The following ALDH4A1 variants were observed in gnomAD, a reference collection of about 807,000 sequenced individuals.
ALDH4A1 encodes the protein delta-1-pyrroline-5-carboxylate dehydrogenase, mitochondrial.
ALDH4A1 carries 46 observed loss-of-function variants against 70.5 expected under a neutral mutation model. The observed-to-expected ratio is 0.65, with a 90% CI of 0.51 to 0.83. The LOEUF (loss-of-function observed/expected upper bound fraction) is 0.83, where lower values mean the gene tolerates loss of function less well. Ranked by LOEUF, ALDH4A1 falls within the 40% of genes least tolerant of loss-of-function variation. The pLI is 0.00. For missense variants in ALDH4A1, 749 were observed against 766.5 expected, an observed-to-expected ratio of 0.98 and a Z score of 0.27; for synonymous variants, 323 against 324.3, an observed-to-expected ratio of 1.00 and a Z score of 0.04.
chr1:18,901,127 C>T (rs1384840422), intron 1 of ALDH4A1, among the ~76,000 whole-genome samples: 1 of 152,168 alleles, frequency 6.6e-6, no homozygotes, highest in African/African-American at 2.4e-5. Context: ...CTATAAGCTC[C>T]ATCTTCCTGA....
rs1330680333 is a variant in ALDH4A1 at position 18,874,030 on chromosome 1, T to C, written c.1579+433A>G. Among the ~76,000 whole-genome samples, 3 of 152,278 alleles carry C rather than the reference T, an allele frequency of 2.0e-5. No homozygotes were observed. In the East Asian group the frequency reaches 5.8e-4, roughly 29 times the overall value. On this transcript the variant is annotated intron_variant, in intron 14 of 14. Coordinates refer to ENST00000375341, the MANE Select transcript of ALDH4A1 (RefSeq NM_003748.4). ...CTGTAGGACACCCAGCCAGCATCCA[T>C]CAAGAGCTGGAGAACTGGTCGGTGT... is the stretch of plus-strand genomic sequence containing the variant.
chr1:18,897,183 G>A, intron 1 of ALDH4A1: 1 of 467,730 alleles, frequency 2.1e-6, no homozygotes, highest in South Asian at 1.6e-5. Context: ...TTGGACTTTG[G>A]AACTTGGGAG....
chr1:18,875,180 C>T (rs1212511109), intron 13 of ALDH4A1, among the ~76,000 whole-genome samples: 1 of 152,212 alleles, frequency 6.6e-6, no homozygotes, highest in Non-Finnish European at 1.5e-5. Context: ...CACCCTGGCA[C>T]CGGCACCACC....
In ALDH4A1 at chr1:18,877,419, G is replaced by A. The variant is rs747212428; in HGVS notation, c.1134C>T (p.Gly378=). The A allele has an allele frequency of 1.3e-5, 21 of 1,569,190 alleles. No homozygotes were observed. Among genetic ancestry groups the A allele is most frequent in the Admixed American group, 1.8e-5 (1 of 54,432 alleles). Residue 378 remains glycine, a synonymous_variant, in exon 10 of 15, where the codon GGC becomes GGT. Transcript: ENST00000375341. ...LLEEHSRIKV[G]DPAEDFGTFF... ...CGGGGGTGACGGTGCCACTCACGTC[G>A]CCCACTTTGATCCGACTGTGCTCCT...
Position 18,886,467 on chromosome 1 carries a change from G to T in ALDH4A1, c.294C>A (p.Asp98Glu). ...CCAGGCACACAGGCTCACTCACCTT[G>T]TCTGCATAACAGAACTTGGCCACCT... Reference protein sequence around the residue: ...GHKVAKFCYADKSLLNKAIEA... With the variant: ...GHKVAKFCYAEKSLLNKAIEA... Residue 98 changes from aspartate (D) to glutamate (E), a missense_variant, in exon 4 of 15, where the codon GAC becomes GAA. Transcript: ENST00000375341. 1 of 1,614,172 alleles carries T rather than the reference G, an allele frequency of 6.2e-7. No homozygotes were observed. Among genetic ancestry groups the T allele is most frequent in the Non-Finnish European group, 8.5e-7 (1 of 1,180,024 alleles).
chr1:18,877,751 G>A, intron 9 of ALDH4A1, 139 bp from the exon 10 acceptor site: 22 of 1,048,248 alleles, frequency 2.1e-5, no homozygotes, highest in South Asian at 4.5e-5. Context: ...GAGGCTCAGA[G>A]TGAGCGCTGG....
At chr1:18,897,295 C>T (rs189221181) in intron 1 of ALDH4A1, 38 of 315,620 alleles carry the variant, frequency 1.2e-4, no homozygotes, top group African/African-American at 6.3e-4. Flanking sequence ...ATAATCCCAG[C>T]GCTTTGGGAG....
At chr1:18,873,112 G>A (rs1179278011) in intron 14 of ALDH4A1, among the ~76,000 whole-genome samples, 155 bp from the exon 15 acceptor site, 1 of 152,192 alleles carries the variant, frequency 6.6e-6, no homozygotes, top group Non-Finnish European at 1.5e-5. Context: ...CAGAGGGATG[G>A]ACAGGAGACC....
chr1:18,893,784 G>A (rs368512153), intron 1 of ALDH4A1, among the ~76,000 whole-genome samples: 61 of 152,294 alleles, frequency 4.0e-4, no homozygotes, highest in African/African-American at 1.3e-3. Flanking sequence ...GATTACAGGC[G>A]TGAGCCACTG....
In ALDH4A1 at chr1:18,894,007, A is replaced by T. The variant is rs1935531795; in HGVS notation, c.63-3902T>A. On this transcript the variant is annotated intron_variant, in intron 1 of 14. Transcript: ENST00000375341. ...CCTTCTTTCTGAATCTCACTATTTAAGGTTGACATGATGCACCTTGCAGGG... is the reference window on the plus strand; with the variant it reads ...CCTTCTTTCTGAATCTCACTATTTATGGTTGACATGATGCACCTTGCAGGG... 2.0e-5 allele frequency among the ~76,000 whole-genome samples: 3 copies of T among 152,178 alleles called. No individual in the cohort carries two copies. The South Asian group carries it at 6.2e-4, about 32-fold the overall frequency.
intron 11 of ALDH4A1, 135 bp from the exon 12 acceptor site, chr1:18,876,602 C>A: frequency 1.9e-6 from 2 of 1,026,832 alleles, no homozygotes; most frequent in Non-Finnish European, 1.4e-6. Flanking sequence ...GTAGGGGACG[C>A]CAAGGGCAAA....
chr1:18,872,941 T>C lies in ALDH4A1; in HGVS notation c.1596A>G (p.Pro532=). 2 of 1,614,028 alleles carry C rather than the reference T, an allele frequency of 1.2e-6. No homozygotes were observed. Among genetic ancestry groups the C allele is most frequent in the South Asian group, 2.2e-5 (2 of 91,088 alleles). The change falls in exon 15 of 15, where the codon CCA becomes CCG. Residue 532 remains proline (P), a synonymous_variant. Coordinates refer to ENST00000375341, the MANE Select transcript of ALDH4A1 (RefSeq NM_003748.4). ...AGCGCAGGATGTAGTGTGGGCCCCC[T>C]GGCTTGTCATTGGTTCCTGCGGAAA... The part of the protein sequence containing the change: ...GARASGTNDK[P]GGPHYILRWT...
intron 3 of ALDH4A1, 111 bp from the exon 4 acceptor site, chr1:18,886,622 G>C: frequency 8.6e-7 from 1 of 1,168,568 alleles, no homozygotes; most frequent in Admixed American, 1.9e-5. Context: ...CACGCCTGCT[G>C]TCCCCCCTCC....
chr1:18,882,037 A>G, intron 7 of ALDH4A1, 150 bp from the exon 8 acceptor site: 1 of 811,038 alleles, frequency 1.2e-6, no homozygotes, highest in Non-Finnish European at 2.0e-6. Flanking sequence ...CCACTCCTCC[A>G]AGGCGTCTGG....
chr1:18,886,520 A>T lies in ALDH4A1; in HGVS notation c.250-9T>A. ...TGTCCATGGTTAAAAGGCTGAAAGG[A>T]GAGAAGAGTGAGGTCCTTGCCCGGG... On this transcript the variant is annotated splice_polypyrimidine_tract_variant and intron_variant, in intron 3 of 14. Coordinates refer to ENST00000375341, the MANE Select transcript of ALDH4A1 (RefSeq NM_003748.4). The T allele has an allele frequency of 6.2e-7, 1 of 1,614,028 alleles. No individual in the cohort carries two copies. Among genetic ancestry groups the T allele is most frequent in the Non-Finnish European group, 8.5e-7 (1 of 1,179,960 alleles).
rs546153073 is a variant in ALDH4A1 at position 18,877,348 on chromosome 1, G to C, written c.1137+68C>G. ...GCACACCCCAGCCCCGGCTGCAGAG[G>C]AGCCTCCCAGGGACCCAATCCCATC... On this transcript the variant is annotated intron_variant, in intron 10 of 14. Coordinates refer to ENST00000375341, the MANE Select transcript of ALDH4A1 (RefSeq NM_003748.4). 13 of 1,553,814 alleles carry C rather than the reference G, an allele frequency of 8.4e-6. No homozygotes were observed. The East Asian group carries it at 2.2e-4, about 26-fold the overall frequency.
chr1:18,879,018 A>G (rs1383264598), intron 9 of ALDH4A1, among the ~76,000 whole-genome samples: 1 of 152,190 alleles, frequency 6.6e-6, no homozygotes, highest in African/African-American at 2.4e-5. Flanking sequence ...ACTAAGATTT[A>G]ACTTAATTAA....
chr1:18,877,925 G>A (rs1242427126), intron 9 of ALDH4A1, among the ~76,000 whole-genome samples: 1 of 152,206 alleles, frequency 6.6e-6, no homozygotes, highest in African/African-American at 2.4e-5. Context: ...GAGGACAGAT[G>A]AGAACCCAAG....
At chr1:18,878,624 C>A (rs985562295) in intron 9 of ALDH4A1, among the ~76,000 whole-genome samples, 1 of 152,186 alleles carries the variant, frequency 6.6e-6, no homozygotes, top group African/African-American at 2.4e-5. Context: ...GGGGTCTTTG[C>A]AGAAACGGGG....
Sources: gnomAD v4.1 joint callset for allele counts (sites outside exome capture counted in the v4.1 genomes callset) on GRCh38, gnomAD v4.1.1 for gene constraint, MANE v1.5 for transcripts, NCBI Gene and HGNC (gene_info 2026-07-23, HGNC 2026-07-21) for gene names.